The following ACOXL variants were observed in gnomAD, a reference collection of about 807,000 sequenced individuals.
ACOXL encodes acyl-coenzyme A oxidase-like protein.
ACOXL carries 70 observed loss-of-function variants against 71.9 expected under a neutral mutation model. The ratio of observed to expected loss-of-function variants is 0.97; its 90% confidence interval spans 0.80 to 1.19. ACOXL has a LOEUF of 1.19. ACOXL is among the 50% of genes most tolerant of loss of function. The pLI is 0.00. For missense variants in ACOXL, 703 were observed against 736.3 expected (o/e 0.95, Z 0.52); for synonymous variants, 253 against 281.6 (o/e 0.90, Z 1.02).
chr2:110,836,721 C>G (rs1031196578), intron 9 of ACOXL, among the ~76,000 whole-genome samples: 1 of 152,174 alleles, frequency 6.6e-6, no homozygotes, highest in Admixed American at 6.5e-5. Flanking sequence ...ATGTACAATT[C>G]TTTAGGCCTT....
chr2:110,908,681 C>T (rs1309985367), intron 10 of ACOXL, 108 bp from the exon 11 acceptor site: 2 of 831,320 alleles, frequency 2.4e-6, no homozygotes, highest in East Asian at 2.5e-5. Flanking sequence ...TTTCTGCATT[C>T]TGGAGTCTTT....
intron 1 of ACOXL, among the ~76,000 whole-genome samples, chr2:110,742,757 GACTTA>G (rs1284432456): frequency 7.9e-5 from 12 of 152,154 alleles, no homozygotes; most frequent in Admixed American, 1.3e-4. Flanking sequence ...ATGGATTAAA[GACTTA>G]ACTTAAGACC....
intron 10 of ACOXL, among the ~76,000 whole-genome samples, chr2:110,903,197 C>T (rs904829138): frequency 2.6e-5 from 4 of 152,204 alleles, no homozygotes; most frequent in Non-Finnish European, 5.9e-5. Flanking sequence ...TCACTGGCCT[C>T]CTTTGGGAGA....
intron 16 of ACOXL, among the ~76,000 whole-genome samples, chr2:111,061,859 T>C (rs1205831421): frequency 6.6e-6 from 1 of 151,740 alleles, no homozygotes; most frequent in Non-Finnish European, 1.5e-5. Context: ...CAAAGCACCA[T>C]GTATAAATCA....
intron 10 of ACOXL, among the ~76,000 whole-genome samples, chr2:110,903,569 T>C (rs914575681): frequency 1.3e-5 from 2 of 152,200 alleles, no homozygotes; most frequent in African/African-American, 4.8e-5. Flanking sequence ...GGTATTGAAA[T>C]AAAAATTATA....
intron 10 of ACOXL, among the ~76,000 whole-genome samples, chr2:110,870,599 AT>A (rs1355781919): frequency 6.6e-6 from 1 of 152,180 alleles, no homozygotes; most frequent in East Asian, 1.9e-4. Flanking sequence ...GAACCCAGGC[AT>A]TCTGATTTGC....
chr2:110,989,127 C>T (rs942214406), intron 13 of ACOXL, among the ~76,000 whole-genome samples: 1 of 151,998 alleles, frequency 6.6e-6, no homozygotes, highest in African/African-American at 2.4e-5. Flanking sequence ...AAAGTCTCAC[C>T]TTTTACATTT....
At chr2:111,097,233 A>G (rs1334661621) in intron 17 of ACOXL, among the ~76,000 whole-genome samples, 3 of 151,746 alleles carry the variant, frequency 2.0e-5, no homozygotes, top group East Asian at 1.9e-4. Context: ...GAAAAGTTGG[A>G]AAAAAAAATC....
At chr2:110,854,177 C>G (rs1451079001) in intron 10 of ACOXL, among the ~76,000 whole-genome samples, 2 of 152,088 alleles carry the variant, frequency 1.3e-5, no homozygotes, top group African/African-American at 4.8e-5. Flanking sequence ...GCCCTTCAGG[C>G]TGTGCAGCAT....
At chr2:110,812,742 A>G (rs1687488200) in intron 9 of ACOXL, among the ~76,000 whole-genome samples, 1 of 152,274 alleles carries the variant, frequency 6.6e-6, no homozygotes, top group African/African-American at 2.4e-5. Flanking sequence ...TGGATATTTG[A>G]AAGAATTTCC....
chr2:110,971,562 T>C (rs914698178), intron 12 of ACOXL, among the ~76,000 whole-genome samples: 7 of 152,226 alleles, frequency 4.6e-5, no homozygotes, highest in African/African-American at 1.7e-4. Context: ...GAGCAAAATA[T>C]TGATATCTCA....
At chr2:111,018,940 C>G (rs534703776) in intron 14 of ACOXL, among the ~76,000 whole-genome samples, 1 of 152,200 alleles carries the variant, frequency 6.6e-6, no homozygotes, top group African/African-American at 2.4e-5. Flanking sequence ...CCACTCACAG[C>G]CCCAAGAATG....
At chr2:110,928,271 T>C (rs1381606714) in intron 11 of ACOXL, among the ~76,000 whole-genome samples, 1 of 152,236 alleles carries the variant, frequency 6.6e-6, no homozygotes, top group African/African-American at 2.4e-5. Context: ...AGTAACTCAT[T>C]TAATGTCTCA....
chr2:110,994,580 G>C (rs747316132), intron 13 of ACOXL, among the ~76,000 whole-genome samples: 5 of 152,050 alleles, frequency 3.3e-5, no homozygotes, highest in Admixed American at 6.5e-5. Context: ...CCCTTCCCCT[G>C]GTTGTCTAGG....
intron 16 of ACOXL, among the ~76,000 whole-genome samples, chr2:111,076,760 A>C (rs1391554724): frequency 1.3e-5 from 2 of 152,242 alleles, no homozygotes; most frequent in Non-Finnish European, 2.9e-5. Context: ...AGAGGTCAGA[A>C]GTCTGAAATC....
At chr2:110,886,113 G>A (rs1317352946) in intron 10 of ACOXL, among the ~76,000 whole-genome samples, 1 of 152,138 alleles carries the variant, frequency 6.6e-6, no homozygotes, top group Non-Finnish European at 1.5e-5. Flanking sequence ...ATACATGCAC[G>A]TGCTTGTGGA....
intron 16 of ACOXL, among the ~76,000 whole-genome samples, chr2:111,050,772 A>C (rs1486601375): frequency 6.6e-6 from 1 of 152,154 alleles, no homozygotes; most frequent in Non-Finnish European, 1.5e-5. Context: ...GCCTGCTTCT[A>C]GTGGTCCTCA....
chr2:111,073,047 A>T (rs2067415776), intron 16 of ACOXL, among the ~76,000 whole-genome samples: 1 of 152,224 alleles, frequency 6.6e-6, no homozygotes, highest in African/African-American at 2.4e-5. Context: ...TGTTTGCCAT[A>T]TGTATCCCCT....
chr2:110,967,560 C>G (rs35861471), intron 12 of ACOXL, among the ~76,000 whole-genome samples: 2 of 152,150 alleles, frequency 1.3e-5, no homozygotes, highest in Admixed American at 6.5e-5. Context: ...ACATTAATAT[C>G]ACTAGACTGT....
Sources: gnomAD v4.1 joint callset for allele counts (sites outside exome capture counted in the v4.1 genomes callset) on GRCh38, gnomAD v4.1.1 for gene constraint, MANE v1.5 for transcripts, NCBI Gene and HGNC (gene_info 2026-07-23, HGNC 2026-07-21) for gene names.